ABCA3: variants seen among roughly 807,000 people sequenced by gnomAD.
The protein encoded by ABCA3 is ATP binding cassette subfamily A member 3, also known as phospholipid-transporting ATPase ABCA3.
Under a neutral mutation model 172.8 loss-of-function variants are expected in ABCA3, and 88 were observed. The observed-to-expected ratio is 0.51, with a 90% CI of 0.43 to 0.61. The LOEUF is 0.61. Among genes scored for constraint, ABCA3 ranks in the 20% least tolerant of loss-of-function variants. The pLI is 0.00. For synonymous variants in ABCA3, 1,066 were observed against 983.8 expected (o/e 1.08, Z -1.56); for missense variants, 2,164 against 2,301.0 (o/e 0.94, Z 1.22).
chr16:2,286,597 C>T lies in ABCA3; in HGVS notation c.3278+97G>A, dbSNP rs895206180. 6.0e-6 allele frequency: 9 copies of T among 1,507,622 alleles called. No individual in the cohort carries two copies. The highest frequency in any genetic ancestry group is 8.1e-6 in the Non-Finnish European group (9 of 1,109,056). The allele number at this position is 1,507,622 out of a possible 1,614,324, so 93.4% of individuals were successfully genotyped here. A position where few individuals can be genotyped will look rare whatever the true frequency, so the allele number is the denominator to read the frequency against. On this transcript the variant is annotated intron_variant, in intron 22 of 32. Transcript: ENST00000301732. The surrounding 1 kb of genome is among the most constrained non-coding windows in gnomAD (Gnocchi z 5.2). ...ACCAGACCCAGGGGCTTTGGGAGGG[C>T]AGACACAATGCTCTATCTATGGGCC...
intron 1 of ABCA3, among the ~76,000 whole-genome samples, chr16:2,334,539 G>A (rs2093748650): frequency 6.7e-6 from 1 of 148,870 alleles, no homozygotes; most frequent in East Asian, 1.9e-4. Flanking sequence ...TTTTGAGACG[G>A]CATCTCGCTC....
chr16:2,320,556 AT>A (rs879654171), intron 7 of ABCA3, among the ~76,000 whole-genome samples: 1,409 of 139,904 alleles, frequency 0.01, 9 homozygotes, highest in African/African-American at 0.018. Flanking sequence ...CGCCCAGCTA[AT>A]TTTTTTTTTT....
Position 2,286,573 on chromosome 16 carries a change from C to G in ABCA3, c.3278+121G>C. The G allele has an allele frequency of 7.3e-7, 1 of 1,367,908 alleles. No homozygotes were observed. Among genetic ancestry groups the G allele is most frequent in the South Asian group, 1.3e-5 (1 of 74,966 alleles). The allele number at this position is 1,367,908 out of a possible 1,614,324, so 84.7% of individuals were successfully genotyped here. ...AGGAGGATGTGGCAGGGGTTTCCCACCAGACCCAGGGGCTTTGGGAGGGCA... is the reference window on the plus strand; with the variant it reads ...AGGAGGATGTGGCAGGGGTTTCCCAGCAGACCCAGGGGCTTTGGGAGGGCA... On this transcript the variant is annotated intron_variant, in intron 22 of 32. Coordinates refer to ENST00000301732, the MANE Select transcript of ABCA3 (RefSeq NM_001089.3). The surrounding 1 kb of genome is among the most constrained non-coding windows in gnomAD (Gnocchi z 5.2).
At chr16:2,337,263 A>G (rs1296406290) in intron 1 of ABCA3, among the ~76,000 whole-genome samples, 1 of 152,010 alleles carries the variant, frequency 6.6e-6, no homozygotes, top group Non-Finnish European at 1.5e-5. Flanking sequence ...TTCTATGTCC[A>G]TAATACATCA....
Position 2,284,955 on chromosome 16 carries a change from C to T in ABCA3, c.3527G>A (p.Gly1176Asp). 1.2e-6 allele frequency: 2 copies of T among 1,613,814 alleles called. No individual in the cohort carries two copies. The highest frequency in any genetic ancestry group is 1.7e-6 in the Non-Finnish European group (2 of 1,179,982). ...CAGCAGCAGGGTGTCAGCCATGTGG[C>T]CGTCCCGCGTGAAGGCACGCACGTC... ...AFDVRAFTRD[G>D]HMADTLLLLL... Residue 1176 changes from glycine (G) to aspartate (D), a missense_variant, in exon 24 of 33, where the codon GGC (glycine) becomes GAC (aspartate). Transcript: ENST00000301732. This position sits in a 1 kb window ranked among gnomAD's most constrained non-coding sequence, Gnocchi z 5.9.
At chr16:2,282,462 AT>A (rs1323343183) in intron 26 of ABCA3, among the ~76,000 whole-genome samples, 1 of 152,232 alleles carries the variant, frequency 6.6e-6, no homozygotes, top group African/African-American at 2.4e-5. Context: ...AAAGAAGTGA[AT>A]TCCCCCTCGG....
chr16:2,300,145 AG>A lies in ABCA3; in HGVS notation c.1470del (p.Ser491ProfsTer62), dbSNP rs2093686699. 2 of 1,612,284 alleles carry A rather than the reference AG, an allele frequency of 1.2e-6. No homozygotes were observed. The highest frequency in any genetic ancestry group is 1.7e-6 in the Non-Finnish European group (2 of 1,179,722). ...GCCCTTGGCTTCCCACACCAATAGG[AG>A]GGCTGGGAGGGAAGCAGACAGCTGT... ...VPQPWYFFIM[P>X]SYWCGKPRAV... On this transcript the variant is annotated frameshift_variant and splice_region_variant, in exon 13 of 33. Coordinates refer to ENST00000301732, the MANE Select transcript of ABCA3 (RefSeq NM_001089.3). LOFTEE classifies it high-confidence loss of function.
rs770642931 is a variant in ABCA3, at chr16:2,319,635, G to A, written c.819C>T (p.Tyr273=). ...LPLLLLLSFT[Y]TALTIARAVV... is the part of the protein sequence containing the mutation. The stretch of plus-strand genomic sequence containing the variant: ...CAGCACGGGCAATGGTGAGCGCGGT[G>A]TAGGTGAAGCTGAGCAGCAGCAGCA... Residue 273 remains tyrosine (Y), a synonymous_variant, in exon 8 of 33, where the codon TAC becomes TAT. Coordinates refer to ENST00000301732, the MANE Select transcript of ABCA3 (RefSeq NM_001089.3). 3 of 1,613,700 alleles carry A rather than the reference G, an allele frequency of 1.9e-6. No homozygotes were observed. The highest frequency in any genetic ancestry group is 1.1e-5 in the South Asian group (1 of 91,086).
intron 12 of ABCA3, among the ~76,000 whole-genome samples, chr16:2,300,999 G>C (rs2093688135): frequency 6.7e-6 from 1 of 149,986 alleles, no homozygotes; most frequent in South Asian, 2.1e-4. Context: ...GGGAGGCCGA[G>C]GCGGGCGGAT....
chr16:2,331,044 C>T (rs931017945), intron 1 of ABCA3, among the ~76,000 whole-genome samples: 1 of 152,078 alleles, frequency 6.6e-6, no homozygotes, highest in Non-Finnish European at 1.5e-5. Flanking sequence ...GTTTTAACTT[C>T]CAAGTCTGTC....
chr16:2,303,076 GGGGTGAGCCACCACACCC>G (rs1191624009), intron 12 of ABCA3, among the ~76,000 whole-genome samples: 6 of 152,042 alleles, frequency 3.9e-5, no homozygotes, highest in Non-Finnish European at 7.4e-5. Context: ...TGGGATTACA[GGGGTGAGCCACCACACCC>G]GGCCTCCAAT....
chr16:2,304,675 A>ATTT (rs1223632245), intron 11 of ABCA3, among the ~76,000 whole-genome samples: 5 of 99,840 alleles, frequency 5.0e-5, no homozygotes, highest in Admixed American at 2.0e-4. Context: ...CCTGGGCTAA[A>ATTT]TTTTTTTTTT....
At chr16:2,280,921 A>C (rs2093653944) in intron 28 of ABCA3, 106 bp downstream of exon 28, 1 of 1,459,858 alleles carries the variant, frequency 6.8e-7, no homozygotes. Flanking sequence ...TTCAAGCCAC[A>C]GATGCAGCAG....
intron 10 of ABCA3, among the ~76,000 whole-genome samples, chr16:2,316,700 C>A (rs1293594078): frequency 6.6e-6 from 1 of 150,620 alleles, no homozygotes; most frequent in African/African-American, 2.4e-5. Context: ...AAACTGGGAA[C>A]CTCTAAAAGT....
rs575966247 is a variant in ABCA3 at position 2,317,853 on chromosome 16, C to T, written c.874-89G>A. ...GGCTGGACGGCAGCAGGCCTGAGTCCGACTGTCCCAGCAGCCCTGCATTCG... is the reference window on the plus strand; with the variant it reads ...GGCTGGACGGCAGCAGGCCTGAGTCTGACTGTCCCAGCAGCCCTGCATTCG... On this transcript the variant is annotated intron_variant, in intron 8 of 32. Coordinates refer to ENST00000301732, the MANE Select transcript of ABCA3 (RefSeq NM_001089.3). The T allele has an allele frequency of 5.5e-4, 660 of 1,203,354 alleles. 3 individuals carry two copies. The African/African-American group carries it at 8.8e-3, about 16-fold the overall frequency. The allele number at this position is 1,203,354 out of a possible 1,614,324, so 74.5% of individuals were successfully genotyped here.
chr16:2,327,285 G>C lies in ABCA3; in HGVS notation c.-26-793C>G, dbSNP rs547232304. The stretch of plus-strand genomic sequence containing the variant: ...ATGCCACCAACACCCGGCTGGTCTC[G>C]AACTCCTGGCCTCAAGCAATCCTCC... On this transcript the variant is annotated intron_variant, in intron 3 of 32. Coordinates refer to ENST00000301732, the MANE Select transcript of ABCA3 (RefSeq NM_001089.3). Among the ~76,000 whole-genome samples the C allele has an allele frequency of 5.3e-4, 81 of 151,960 alleles. 1 individual carries two copies. Among genetic ancestry groups the C allele is most frequent in the Middle Eastern group, 6.8e-3 (2 of 294 alleles).
At chr16:2,290,720 C>T (rs1002190594) in intron 19 of ABCA3, among the ~76,000 whole-genome samples, 1 of 152,202 alleles carries the variant, frequency 6.6e-6, no homozygotes, top group Non-Finnish European at 1.5e-5. Flanking sequence ...GCCGCCTTGC[C>T]TGGCCTTTTT....
At chr16:2,322,764 A>G (rs1433852297) in intron 7 of ABCA3, among the ~76,000 whole-genome samples, 3 of 152,098 alleles carry the variant, frequency 2.0e-5, no homozygotes, top group Non-Finnish European at 2.9e-5. Context: ...CATGACTAAA[A>G]CACGAAAAGC....
intron 14 of ABCA3, 59 bp from the exon 15 acceptor site, chr16:2,298,599 G>A (rs923854942): frequency 1.3e-5 from 21 of 1,594,392 alleles, no homozygotes; most frequent in South Asian, 1.2e-4. Context: ...CAGCACCCGC[G>A]GTAATGACCC....
Sources: allele counts gnomAD v4.1 joint callset (sites outside exome capture counted in the v4.1 genomes callset), GRCh38; gene constraint gnomAD v4.1.1; non-coding constraint Gnocchi (gnomAD v3.1); transcripts MANE v1.5; gene names NCBI Gene and HGNC (gene_info 2026-07-23, HGNC 2026-07-21).